Variants in CC2D2A observed in about 807,000 individuals in gnomAD.
CC2D2A encodes the protein coiled-coil and C2 domain containing 2A.
A neutral mutation model predicts 212.9 loss-of-function variants in CC2D2A; 155 were observed. The observed-to-expected ratio is 0.73, with a 90% CI of 0.64 to 0.83. The LOEUF (loss-of-function observed/expected upper bound fraction) is 0.83, where lower values mean the gene tolerates loss of function less well. Ranked by LOEUF, CC2D2A falls within the 40% of genes least tolerant of loss-of-function variation. The probability of loss-of-function intolerance (pLI) is 0.00; values close to 1 mark genes in which losing one functional copy is unlikely to be tolerated. For synonymous variants in CC2D2A, 667 were observed against 686.5 expected, an observed-to-expected ratio of 0.97 and a Z score of 0.44; for missense variants, 1,856 against 1,956.2, an observed-to-expected ratio of 0.95 and a Z score of 0.97.
chr4:15,553,212 C>T lies in CC2D2A; in HGVS notation c.2393C>T (p.Ser798Leu). The T allele has an allele frequency of 2.5e-6, 4 of 1,611,836 alleles. No individual in the cohort carries two copies. The highest frequency in any genetic ancestry group is 3.4e-6 in the Non-Finnish European group (4 of 1,179,162). Reference protein sequence around the residue: ...DGSNQLTLMTSGKVSHSVAWA... With the variant: ...DGSNQLTLMTLGKVSHSVAWA... ...AGTAACCAGCTGACTCTGATGACCT[C>T]AGGGAAAGTGTCTCATAGTGTGGCA... The change falls in exon 19 of 37, where the codon TCA becomes TTA. Residue 798 changes from serine to leucine, a missense_variant. Transcript: ENST00000424120.
intron 30 of CC2D2A, among the ~76,000 whole-genome samples, chr4:15,585,940 A>G (rs1720839334): frequency 6.6e-6 from 1 of 152,206 alleles, no homozygotes; most frequent in Admixed American, 6.5e-5. Flanking sequence ...TGTCAAAGGG[A>G]CACAGTTTCT....
intron 14 of CC2D2A, among the ~76,000 whole-genome samples, chr4:15,536,674 T>C (rs912660285): frequency 1.3e-5 from 2 of 152,158 alleles, no homozygotes; most frequent in Admixed American, 6.5e-5. Flanking sequence ...GTTGGGCTCA[T>C]ATTCAGCCCT....
At chr4:15,573,952 A>G (rs1720281873) in intron 28 of CC2D2A, among the ~76,000 whole-genome samples, 198 bp from the exon 29 acceptor site, 1 of 152,226 alleles carries the variant, frequency 6.6e-6, no homozygotes, top group Non-Finnish European at 1.5e-5. Flanking sequence ...CTGCTAAACA[A>G]TGAAAAGAAG....
intron 11 of CC2D2A, chr4:15,519,203 A>G (rs370501558): frequency 6.8e-5 from 20 of 293,888 alleles, no homozygotes; most frequent in African/African-American, 4.3e-4. Context: ...CTCTCTCTCA[A>G]GTTCAAAGTT....
chr4:15,483,427 C>G (rs995729015), intron 4 of CC2D2A, among the ~76,000 whole-genome samples: 3 of 152,180 alleles, frequency 2.0e-5, no homozygotes, highest in African/African-American at 7.2e-5. Context: ...AAGATAGAAG[C>G]AGCCATGTGC....
intron 4 of CC2D2A, among the ~76,000 whole-genome samples, chr4:15,496,941 A>C (rs1388649714): frequency 6.6e-6 from 1 of 152,218 alleles, no homozygotes; most frequent in African/African-American, 2.4e-5. Context: ...AAAACATCCC[A>C]TGCTCATGGA....
intron 11 of CC2D2A, chr4:15,519,482 C>T (rs1170283730): frequency 4.5e-6 from 2 of 447,036 alleles, no homozygotes; most frequent in South Asian, 1.6e-5. Flanking sequence ...AAGTTGCTTC[C>T]ACATTTTTGG....
intron 2 of CC2D2A, among the ~76,000 whole-genome samples, chr4:15,476,324 G>A (rs1265761111): frequency 2.6e-5 from 4 of 152,226 alleles, no homozygotes; most frequent in Non-Finnish European, 5.9e-5. Context: ...TTGACACTCA[G>A]CTGCTGTGAT....
intron 1 of CC2D2A, among the ~76,000 whole-genome samples, chr4:15,475,584 G>A (rs1198699923): frequency 6.6e-6 from 1 of 152,138 alleles, no homozygotes; most frequent in Non-Finnish European, 1.5e-5. Context: ...GGTGAAATAA[G>A]GGCCAAGGTC....
intron 16 of CC2D2A, among the ~76,000 whole-genome samples, chr4:15,539,246 T>C (rs1208065258): frequency 6.6e-6 from 1 of 152,174 alleles, no homozygotes; most frequent in African/African-American, 2.4e-5. Flanking sequence ...CCTAGAAAAC[T>C]GTTCTCACAA....
At chr4:15,505,984 C>T (rs2109001841) in intron 6 of CC2D2A, among the ~76,000 whole-genome samples, 1 of 152,270 alleles carries the variant, frequency 6.6e-6, no homozygotes, top group African/African-American at 2.4e-5. Flanking sequence ...ATAACAAAAG[C>T]AGTGAGACTT....
At chr4:15,476,117 T>G (rs1171764749) in intron 2 of CC2D2A, 146 bp downstream of exon 2, 2 of 701,132 alleles carry the variant, frequency 2.9e-6, no homozygotes, top group African/African-American at 3.6e-5. Context: ...TTCAACAGAG[T>G]CTAATTGTAC....
chr4:15,547,232 T>C (rs896766700), intron 17 of CC2D2A, among the ~76,000 whole-genome samples: 3 of 152,238 alleles, frequency 2.0e-5, no homozygotes, highest in Non-Finnish European at 4.4e-5. Flanking sequence ...GGTATTTTGA[T>C]ACATGAATAG....
rs780258947 is a variant in CC2D2A, at chr4:15,557,443, C to A, written c.2765C>A (p.Pro922Gln). 6.2e-7 allele frequency: 1 copy of A among 1,612,920 alleles called. No homozygotes were observed. The part of the protein sequence containing the change: ...RLLHLRSQEV[P>Q]EFRNYKQVPV... ...CTTCATCTTAGAAGCCAAGAGGTGC[C>A]AGAATTCCGAAATTATAAGCAAGTT... Residue 922 changes from proline to glutamine, a missense_variant, in exon 21 of 37, where the codon CCA becomes CAA. Physicochemically the swap from Pro to Gln is moderately conservative, Grantham distance 76 (BLOSUM62 -1). Coordinates refer to ENST00000424120, the MANE Select transcript of CC2D2A (RefSeq NM_001378615.1).
intron 29 of CC2D2A, 145 bp from the exon 30 acceptor site, chr4:15,579,823 G>C (rs1031406890): frequency 3.2e-6 from 2 of 628,498 alleles, no homozygotes; most frequent in African/African-American, 3.7e-5. Flanking sequence ...AAATAAAGCT[G>C]CAGGGACACC....
chr4:15,484,190 G>A (rs1410278571), intron 4 of CC2D2A, among the ~76,000 whole-genome samples: 2 of 152,228 alleles, frequency 1.3e-5, no homozygotes, highest in African/African-American at 4.8e-5. Context: ...GTGAGAGGAT[G>A]AGGTGCATTT....
At chr4:15,564,236 C>CT (rs924287126) in intron 24 of CC2D2A, 11 of 151,684 alleles carry the variant, frequency 7.3e-5, no homozygotes, top group East Asian at 5.8e-4. Context: ...ATTAAAACTT[C>CT]TTTTTTTTTG....
intron 7 of CC2D2A, 94 bp downstream of exon 7, chr4:15,510,334 G>A (rs530145032): frequency 5.3e-5 from 57 of 1,067,498 alleles, no homozygotes; most frequent in South Asian, 9.7e-5. Flanking sequence ...GGTGGCTCAC[G>A]CCTGCAATCC....
At chr4:15,472,246 C>T (rs905422855) in intron 1 of CC2D2A, among the ~76,000 whole-genome samples, 29 of 152,212 alleles carry the variant, frequency 1.9e-4, no homozygotes, top group African/African-American at 5.8e-4. Flanking sequence ...TTTACTCATA[C>T]GCAAATTGGG....
Sources: allele counts gnomAD v4.1 joint callset (sites outside exome capture counted in the v4.1 genomes callset), GRCh38; gene constraint gnomAD v4.1.1; transcripts MANE v1.5; gene names NCBI Gene and HGNC (gene_info 2026-07-23, HGNC 2026-07-21).